Variants in STK38L observed in about 807,000 individuals in gnomAD.
STK38L encodes serine/threonine kinase 38 like.
In STK38L, 28 loss-of-function variants were observed where a neutral mutation model predicts 59.7. That is an observed-to-expected ratio of 0.47 (90% confidence interval 0.35 to 0.64). The LOEUF is 0.64. Ranked by LOEUF, STK38L falls within the 30% of genes least tolerant of loss-of-function variation. The probability of loss-of-function intolerance (pLI) is 0.01; values close to 1 mark genes in which losing one functional copy is unlikely to be tolerated. For missense variants in STK38L, 314 were observed against 555.8 expected (o/e 0.56, Z 4.37); for synonymous variants, 162 against 176.8 (o/e 0.92, Z 0.66).
At chr12:27,291,691 C>T (rs1289930263) in intron 1 of STK38L, among the ~76,000 whole-genome samples, 1 of 152,130 alleles carries the variant, frequency 6.6e-6, no homozygotes, top group African/African-American at 2.4e-5. Flanking sequence ...CGTTAGGGAC[C>T]CAGTTTATAC....
chr12:27,301,933 T>C (rs542604951), intron 2 of STK38L, among the ~76,000 whole-genome samples: 1 of 152,248 alleles, frequency 6.6e-6, no homozygotes, highest in African/African-American at 2.4e-5. Context: ...AAATTATTCA[T>C]TTGGCCAGTA....
intron 1 of STK38L, among the ~76,000 whole-genome samples, chr12:27,248,984 A>G (rs1942916054): frequency 6.6e-6 from 1 of 152,204 alleles, no homozygotes; most frequent in Non-Finnish European, 1.5e-5. Flanking sequence ...CTTTGTTATA[A>G]AAAGTTTCCA....
At chr12:27,315,749 C>T (rs942213296) in intron 9 of STK38L, among the ~76,000 whole-genome samples, 4 of 152,140 alleles carry the variant, frequency 2.6e-5, no homozygotes, top group African/African-American at 9.7e-5. Flanking sequence ...TTTCTAAAAA[C>T]TTCTTTATAG....
Position 27,302,102 on chromosome 12 carries a change from G to A in STK38L, c.135-35G>A, listed in dbSNP as rs774430070. Reference sequence around the variant, plus strand: ...TTCTTAAGTGGAAATAGTTAGGAATGTATTTAAAATTTAATTTTTTTTTCC... The same window carrying A: ...TTCTTAAGTGGAAATAGTTAGGAATATATTTAAAATTTAATTTTTTTTTCC... On this transcript the variant is annotated intron_variant, in intron 2 of 13. Transcript: ENST00000389032. 3.9e-6 allele frequency: 6 copies of A among 1,524,268 alleles called. No homozygotes were observed. The Admixed American group carries it at 7.0e-5, about 18-fold the overall frequency. 94.4% of individuals were successfully genotyped at this position (1,524,268 alleles called of 1,614,324 possible). A position where few individuals can be genotyped will look rare whatever the true frequency, so the allele number is the denominator to read the frequency against.
chr12:27,280,916 C>T (rs1016333174), intron 1 of STK38L, among the ~76,000 whole-genome samples: 7 of 152,138 alleles, frequency 4.6e-5, no homozygotes, highest in Non-Finnish European at 7.3e-5. Context: ...GAAGGTTAGA[C>T]GAGTTGATCC....
rs1297354911 is a variant in STK38L at position 27,316,059 on chromosome 12, A to G, written c.837+709A>G. ...CCTGGCACATACGGACACTCTATAA[A>G]TACTTGTTCAACCAAATGATGAAAG... On this transcript the variant is annotated intron_variant, in intron 9 of 13. Coordinates refer to ENST00000389032, the MANE Select transcript of STK38L (RefSeq NM_015000.4). Among the ~76,000 whole-genome samples, 3 of 152,196 alleles carry G rather than the reference A, an allele frequency of 2.0e-5. No homozygotes were observed. The East Asian group carries it at 5.8e-4, about 29-fold the overall frequency.
intron 6 of STK38L, among the ~76,000 whole-genome samples, chr12:27,313,166 T>C (rs1944496508): frequency 6.7e-6 from 1 of 148,560 alleles, no homozygotes; most frequent in African/African-American, 2.5e-5. Context: ...GAGAATGGTG[T>C]GAACCCGGGA....
Position 27,323,195 on chromosome 12 carries a change from G to A in STK38L, c.*740G>A, listed in dbSNP as rs1184236436. On this transcript the variant is annotated 3_prime_UTR_variant, in exon 14 of 14. Coordinates refer to ENST00000389032, the MANE Select transcript of STK38L (RefSeq NM_015000.4). ...CATATACGTAGTCTGTATACTCATA[G>A]GGAGATGTACTGTATTATATAACAT... is the stretch of plus-strand genomic sequence containing the variant. 6.6e-6 allele frequency: 1 copy of A among 152,138 alleles called. No homozygotes were observed. Among genetic ancestry groups the A allele is most frequent in the Non-Finnish European group, 1.5e-5 (1 of 67,978 alleles). 9.4% of individuals were successfully genotyped at this position (152,138 alleles called of 1,614,324 possible).
At position 27,308,364 on chromosome 12, in the gene STK38L, C is replaced by T. The variant is rs779068249; in HGVS notation, c.212C>T (p.Ala71Val). The stretch of plus-strand genomic sequence containing the variant: ...AAAAAGTTACGTCGATCACAACACG[C>T]TCGCAAAGAAACAGAGTTCTTACGG... ...EEKKLRRSQH[A>V]RKETEFLRLK... Residue 71 changes from alanine to valine, a missense_variant, in exon 4 of 14, where the codon GCT becomes GTT. Coordinates refer to ENST00000389032, the MANE Select transcript of STK38L (RefSeq NM_015000.4). The surrounding 1 kb of genome is among the most constrained non-coding windows in gnomAD (Gnocchi z 4.5). The T allele has an allele frequency of 5.6e-6, 9 of 1,594,510 alleles. No homozygotes were observed. Among genetic ancestry groups the T allele is most frequent in the Non-Finnish European group, 7.7e-6 (9 of 1,169,704 alleles).
At chr12:27,251,629 C>T (rs1019893754) in intron 1 of STK38L, among the ~76,000 whole-genome samples, 1 of 152,186 alleles carries the variant, frequency 6.6e-6, no homozygotes, top group African/African-American at 2.4e-5. Context: ...AAGGTTTTTG[C>T]CCTTAGCAAT....
intron 1 of STK38L, among the ~76,000 whole-genome samples, chr12:27,248,866 G>T (rs941564846): frequency 2.6e-5 from 4 of 151,898 alleles, no homozygotes; most frequent in Admixed American, 6.5e-5. Context: ...GTTTTTTTTT[G>T]AAACATACCT....
At chr12:27,247,213 A>G (rs895011874) in intron 1 of STK38L, among the ~76,000 whole-genome samples, 6 of 152,154 alleles carry the variant, frequency 3.9e-5, no homozygotes, top group Non-Finnish European at 8.8e-5. Flanking sequence ...TGGAGTAGGT[A>G]TTTTTATTAT....
chr12:27,249,831 C>T lies in STK38L; in HGVS notation c.-12+5499C>T, dbSNP rs1484045604. Among the ~76,000 whole-genome samples, 7 of 152,146 alleles carry T rather than the reference C, an allele frequency of 4.6e-5. No homozygotes were observed. The East Asian group carries it at 1.2e-3, about 25-fold the overall frequency. On this transcript the variant is annotated intron_variant, in intron 1 of 13. Transcript: ENST00000389032. The stretch of plus-strand genomic sequence containing the variant: ...GTTATAATAGATAAATCTCTGATCC[C>T]GTATGCACAGATAGCATCCATTGTT...
chr12:27,296,238 C>A (rs1944018288), intron 1 of STK38L, among the ~76,000 whole-genome samples: 1 of 152,188 alleles, frequency 6.6e-6, no homozygotes, highest in South Asian at 2.1e-4. Context: ...TCTTATTGAT[C>A]ATATGTAGCT....
intron 5 of STK38L, among the ~76,000 whole-genome samples, chr12:27,309,612 GTC>G (rs1240172838): frequency 1.3e-5 from 2 of 152,118 alleles, no homozygotes; most frequent in Non-Finnish European, 2.9e-5. Context: ...ACTCTCTGGT[GTC>G]TCTTCTTATA....
At chr12:27,313,248 C>CAAAAAA (rs748176392) in intron 6 of STK38L, among the ~76,000 whole-genome samples, 1 of 105,826 alleles carries the variant, frequency 9.4e-6, no homozygotes, top group African/African-American at 3.4e-5. Flanking sequence ...GACTACGTCT[C>CAAAAAA]AAAAAAAAAA....
At chr12:27,286,602 T>A (rs951514064) in intron 1 of STK38L, among the ~76,000 whole-genome samples, 46 of 152,208 alleles carry the variant, frequency 3.0e-4, no homozygotes, top group African/African-American at 1.1e-3. Context: ...AAACATTTGG[T>A]TTAAGTCGTT....
At chr12:27,275,471 G>A (rs899798534) in intron 1 of STK38L, among the ~76,000 whole-genome samples, 1 of 151,358 alleles carries the variant, frequency 6.6e-6, no homozygotes, top group African/African-American at 2.4e-5. Context: ...CCAAGTAGCT[G>A]GGATTACAGG....
intron 1 of STK38L, chr12:27,293,491 G>A (rs1943941237): frequency 6.6e-6 from 1 of 152,244 alleles, no homozygotes; most frequent in South Asian, 2.1e-4. Context: ...GTGTCTTACT[G>A]TGTAAATCAG....
Sources: allele counts gnomAD v4.1 joint callset (sites outside exome capture counted in the v4.1 genomes callset), GRCh38; gene constraint gnomAD v4.1.1; non-coding constraint Gnocchi (gnomAD v3.1); transcripts MANE v1.5; gene names NCBI Gene and HGNC (gene_info 2026-07-23, HGNC 2026-07-21).